The following TPST1 variants were observed in gnomAD, a reference collection of about 807,000 sequenced individuals.
The protein encoded by TPST1 is protein-tyrosine sulfotransferase 1.
A neutral mutation model predicts 34.8 loss-of-function variants in TPST1; 20 were observed. That is an observed-to-expected ratio of 0.57 (90% confidence interval 0.40 to 0.84). TPST1 has a LOEUF of 0.84. Ranked by LOEUF, TPST1 falls within the 40% of genes least tolerant of loss-of-function variation. The pLI, the probability that TPST1 is intolerant of heterozygous loss-of-function variation, is 0.00. For synonymous variants in TPST1, 152 were observed against 159.4 expected (o/e 0.95, Z 0.35); for missense variants, 353 against 455.5 (o/e 0.78, Z 2.05).
chr7:66,210,984 C>T (rs527425483), intron 1 of TPST1, among the ~76,000 whole-genome samples: 56 of 152,030 alleles, frequency 3.7e-4, no homozygotes, highest in African/African-American at 9.6e-4. Flanking sequence ...GCCACACACA[C>T]GCGCGCGCAC....
chr7:66,229,212 A>G (rs1209406400), intron 1 of TPST1, among the ~76,000 whole-genome samples: 2 of 151,272 alleles, frequency 1.3e-5, no homozygotes, highest in African/African-American at 4.9e-5. Context: ...CTAGATTCAC[A>G]CCATTGTCCT....
intron 1 of TPST1, among the ~76,000 whole-genome samples, chr7:66,206,898 C>T (rs1789141420): frequency 6.6e-6 from 1 of 152,122 alleles, no homozygotes; most frequent in African/African-American, 2.4e-5. Context: ...CTGACAAGTC[C>T]TCTAAGAGTG....
chr7:66,200,582 G>T (rs1362124129), upstream of TPST1, among the ~76,000 whole-genome samples: 3 of 151,836 alleles, frequency 2.0e-5, no homozygotes, highest in Non-Finnish European at 4.4e-5. Flanking sequence ...AGCACACCCG[G>T]CTAATTTTTT....
intron 1 of TPST1, among the ~76,000 whole-genome samples, chr7:66,210,284 A>T (rs755066174): frequency 7.9e-5 from 12 of 152,198 alleles, no homozygotes; most frequent in Non-Finnish European, 1.3e-4. Context: ...ACAAATTTTG[A>T]GGGAAAAGGA....
intron 3 of TPST1, among the ~76,000 whole-genome samples, chr7:66,305,222 A>G (rs1791398411): frequency 6.6e-6 from 1 of 152,210 alleles, no homozygotes; most frequent in South Asian, 2.1e-4. Context: ...GCAAAGAAGA[A>G]TATCTGCCAA....
At chr7:66,353,235 C>T (rs568235938) in intron 4 of TPST1, among the ~76,000 whole-genome samples, 26 of 151,876 alleles carry the variant, frequency 1.7e-4, no homozygotes, top group African/African-American at 5.8e-4. Context: ...TCACATGAAC[C>T]GGGAGGTGGA....
At chr7:66,296,086 A>T (rs1189530671) in intron 3 of TPST1, among the ~76,000 whole-genome samples, 1 of 152,210 alleles carries the variant, frequency 6.6e-6, no homozygotes, top group African/African-American at 2.4e-5. Context: ...GTTTTCCTAC[A>T]TGCAAATTGG....
chr7:66,314,228 C>A (rs918296453), intron 3 of TPST1, among the ~76,000 whole-genome samples: 1 of 152,130 alleles, frequency 6.6e-6, no homozygotes, highest in African/African-American at 2.4e-5. Context: ...ACTTTTTTAT[C>A]CCTTTCAATT....
chr7:66,352,668 AAAG>A (rs771459702), intron 4 of TPST1, 113 bp downstream of exon 4: 3 of 1,537,016 alleles, frequency 2.0e-6, no homozygotes, highest in Middle Eastern at 1.9e-4. Context: ...ACCAAAAAGA[AAAG>A]AAGAAAAGGG....
chr7:66,351,769 A>G (rs1429789507), intron 3 of TPST1, among the ~76,000 whole-genome samples: 1 of 151,134 alleles, frequency 6.6e-6, no homozygotes, highest in East Asian at 1.9e-4. Context: ...TGAAAGTGGT[A>G]TGTCTGTTTA....
chr7:66,295,936 T>G (rs754569274), intron 3 of TPST1, among the ~76,000 whole-genome samples: 9 of 152,186 alleles, frequency 5.9e-5, no homozygotes, highest in Non-Finnish European at 8.8e-5. Flanking sequence ...TCTTTAAAGT[T>G]TTATATGTAT....
chr7:66,203,151 G>C (rs1489730255), upstream of TPST1, among the ~76,000 whole-genome samples: 1 of 151,874 alleles, frequency 6.6e-6, no homozygotes, highest in Non-Finnish European at 1.5e-5. Context: ...CTATCTCTGT[G>C]TGTGTGTGTG....
upstream of TPST1, among the ~76,000 whole-genome samples, chr7:66,201,489 G>A (rs1331910497): frequency 2.0e-5 from 3 of 151,764 alleles, no homozygotes; most frequent in Admixed American, 1.3e-4. Context: ...CCAGGAGTTC[G>A]AGACCAGCCT....
At position 66,286,670 on chromosome 7, in the gene TPST1, C is replaced by T. The variant is rs148930291; in HGVS notation, c.1005C>T (p.Tyr335=). 3.6e-5 allele frequency: 57 copies of T among 1,586,852 alleles called. No individual in the cohort carries two copies. The highest frequency in any genetic ancestry group is 2.4e-4 in the African/African-American group (18 of 73,712). ...GYDPYANPPN[Y]GKPDPKIIEN... ...ACCCATATGCCAACCCACCTAACTA[C>T]GGAAAACCTGATCCCAAAATTATTG... The change falls in exon 3 of 6, where the codon TAC becomes TAT. Residue 335 remains tyrosine (Y), a synonymous_variant. Coordinates refer to ENST00000304842, the MANE Select transcript of TPST1 (RefSeq NM_003596.4).
intron 1 of TPST1, among the ~76,000 whole-genome samples, chr7:66,225,673 C>T (rs1356354086): frequency 6.6e-6 from 1 of 152,194 alleles, no homozygotes; most frequent in African/African-American, 2.4e-5. Context: ...TGTGCATGCA[C>T]ACGCACACGT....
intron 1 of TPST1, among the ~76,000 whole-genome samples, chr7:66,217,772 G>A (rs1789455463): frequency 6.6e-6 from 1 of 151,888 alleles, no homozygotes; most frequent in Non-Finnish European, 1.5e-5. Flanking sequence ...TTTTAGTAGA[G>A]GTGGGGTTTC....
At chr7:66,336,309 CAA>C (rs369471875) in intron 3 of TPST1, among the ~76,000 whole-genome samples, 17 of 84,144 alleles carry the variant, frequency 2.0e-4, no homozygotes, top group African/African-American at 4.3e-4. Context: ...GACTCCGCCT[CAA>C]AAAAAAAAAA....
At chr7:66,207,040 C>T (rs1327985004) in intron 1 of TPST1, among the ~76,000 whole-genome samples, 4 of 152,170 alleles carry the variant, frequency 2.6e-5, no homozygotes, top group Non-Finnish European at 5.9e-5. Context: ...GTCATTGGCC[C>T]TGTACTATTC....
intron 2 of TPST1, among the ~76,000 whole-genome samples, chr7:66,243,121 T>A (rs1476576768): frequency 6.6e-6 from 1 of 152,006 alleles, no homozygotes; most frequent in Non-Finnish European, 1.5e-5. Flanking sequence ...TATATACCAA[T>A]GAATAGAATT....
Sources: gnomAD v4.1 joint callset for allele counts (sites outside exome capture counted in the v4.1 genomes callset) on GRCh38, gnomAD v4.1.1 for gene constraint, MANE v1.5 for transcripts, NCBI Gene and HGNC (gene_info 2026-07-23, HGNC 2026-07-21) for gene names.